The following GRM1 variants were observed in gnomAD, a reference collection of about 807,000 sequenced individuals.
GRM1 encodes the protein metabotropic glutamate receptor 1.
In GRM1, 33 loss-of-function variants were observed where a neutral mutation model predicts 90.9. That is an observed-to-expected ratio of 0.36 (90% confidence interval 0.28 to 0.49). GRM1 has a LOEUF of 0.49. Among genes scored for constraint, GRM1 ranks in the 20% least tolerant of loss-of-function variants. The pLI is 0.99. For missense variants in GRM1, 1,190 were observed against 1,534.3 expected (o/e 0.78, Z 3.75); for synonymous variants, 700 against 613.2 (o/e 1.14, Z -2.09).
chr6:146,201,729 A>G (rs1350879245), intron 2 of GRM1, among the ~76,000 whole-genome samples: 2 of 152,230 alleles, frequency 1.3e-5, no homozygotes, highest in African/African-American at 4.8e-5. Flanking sequence ...GTAACAGTAC[A>G]TTTGAGACAG....
chr6:146,415,496 T>C (rs2114640629), intron 7 of GRM1, among the ~76,000 whole-genome samples: 1 of 152,354 alleles, frequency 6.6e-6, no homozygotes, highest in East Asian at 1.9e-4. Context: ...ACTGGTACTT[T>C]TGTCAACATC....
At chr6:146,361,548 G>A (rs545928891) in intron 5 of GRM1, among the ~76,000 whole-genome samples, 30 of 152,202 alleles carry the variant, frequency 2.0e-4, no homozygotes, top group African/African-American at 7.0e-4. Flanking sequence ...GAGAAGGGAA[G>A]TAATGGAGAT....
intron 2 of GRM1, among the ~76,000 whole-genome samples, chr6:146,293,277 A>G (rs939153622): frequency 5.9e-5 from 9 of 151,968 alleles, no homozygotes; most frequent in African/African-American, 2.2e-4. Flanking sequence ...TGTAAATTTC[A>G]CCTTAAGTTT....
rs543195740 is a variant in GRM1, at chr6:146,422,333, G to A, written c.2661-11539G>A. ...GAAGTTATTGACATTCTTGAGTAAG[G>A]AAAGTGGCTGAAGTCAACAAGTAAA... On this transcript the variant is annotated intron_variant, in intron 7 of 7. Transcript: ENST00000282753. 3.0e-3 allele frequency among the ~76,000 whole-genome samples: 454 copies of A among 152,252 alleles called. 2 individuals are homozygous for A. Among genetic ancestry groups the A allele is most frequent in the Non-Finnish European group, 3.7e-3 (252 of 68,000 alleles).
At chr6:146,111,914 A>G (rs781472573) in intron 1 of GRM1, among the ~76,000 whole-genome samples, 7 of 152,216 alleles carry the variant, frequency 4.6e-5, no homozygotes, top group African/African-American at 9.6e-5. Context: ...TTCTGCTTTC[A>G]TATGTGTTTT....
At chr6:146,032,865 A>C (rs1159764007) in intron 1 of GRM1, among the ~76,000 whole-genome samples, 1 of 152,110 alleles carries the variant, frequency 6.6e-6, no homozygotes, top group Non-Finnish European at 1.5e-5. Context: ...TAATTGTGAG[A>C]TTATCTTGAA....
intron 5 of GRM1, among the ~76,000 whole-genome samples, chr6:146,371,064 C>T (rs1229502828): frequency 1.3e-5 from 2 of 151,998 alleles, no homozygotes; most frequent in Admixed American, 1.3e-4. Flanking sequence ...TATATTATTG[C>T]CTTCCATTCT....
chr6:146,145,149 A>T (rs1012526532), intron 1 of GRM1, among the ~76,000 whole-genome samples: 1 of 152,240 alleles, frequency 6.6e-6, no homozygotes, highest in Non-Finnish European at 1.5e-5. Context: ...ATACATAATT[A>T]AAAGGGAAGC....
intron 7 of GRM1, among the ~76,000 whole-genome samples, chr6:146,410,656 T>A (rs77298484): frequency 0.029 from 4,451 of 152,066 alleles, 176 homozygotes; most frequent in African/African-American, 0.088. Context: ...TGGACAATAG[T>A]TCCCATTAGC....
chr6:146,253,258 A>G (rs1309612954), intron 2 of GRM1, among the ~76,000 whole-genome samples: 1 of 152,180 alleles, frequency 6.6e-6, no homozygotes, highest in Non-Finnish European at 1.5e-5. Flanking sequence ...TTAAGTTAAA[A>G]GCATTAGCAA....
intron 2 of GRM1, among the ~76,000 whole-genome samples, chr6:146,169,955 G>A (rs915766233): frequency 1.3e-5 from 2 of 152,046 alleles, no homozygotes; most frequent in African/African-American, 4.8e-5. Context: ...ATCTCACGTG[G>A]TTTTGATTTG....
At chr6:146,348,901 G>C (rs1785275949) in intron 3 of GRM1, among the ~76,000 whole-genome samples, 1 of 152,188 alleles carries the variant, frequency 6.6e-6, no homozygotes. Context: ...GAAGAACAAG[G>C]AGTGAGGAGG....
At chr6:146,363,273 A>T (rs1401949793) in intron 5 of GRM1, among the ~76,000 whole-genome samples, 2 of 152,132 alleles carry the variant, frequency 1.3e-5, no homozygotes, top group Non-Finnish European at 2.9e-5. Context: ...AGGGTCTCAG[A>T]TTCCAGAGCA....
At chr6:146,182,581 G>C (rs115558729) in intron 2 of GRM1, among the ~76,000 whole-genome samples, 286 of 152,170 alleles carry the variant, frequency 1.9e-3, no homozygotes, top group African/African-American at 6.6e-3. Flanking sequence ...TTTGCAAACT[G>C]TACATAAATT....
At chr6:146,171,244 C>T (rs534229106) in intron 2 of GRM1, 1 of 152,302 alleles carries the variant, frequency 6.6e-6, no homozygotes, top group South Asian at 2.1e-4. Context: ...TAAATTACCA[C>T]AACGTTAATG....
rs1194107434 is a variant in GRM1 at position 146,346,673 on chromosome 6, T to TA, written c.1187-5571dup. On this transcript the variant is annotated intron_variant, in intron 3 of 7. Transcript: ENST00000282753. The stretch of plus-strand genomic sequence containing the variant: ...ACTTTATCCCTTTGAGGTCATTATT[T>TA]AAAAAATGACCTGATTAATCTTCCT... Among the ~76,000 whole-genome samples the TA allele has an allele frequency of 2.0e-5, 3 of 152,174 alleles. 1 individual carries two copies. The highest frequency in any genetic ancestry group is 2.0e-4 in the Admixed American group (3 of 15,274).
intron 5 of GRM1, among the ~76,000 whole-genome samples, chr6:146,367,925 G>T (rs1775754319): frequency 6.6e-6 from 1 of 151,944 alleles, no homozygotes. Flanking sequence ...ATTTTGATAA[G>T]GATTGCATTA....
intron 3 of GRM1, among the ~76,000 whole-genome samples, chr6:146,347,000 A>G (rs1785210642): frequency 1.3e-5 from 2 of 152,202 alleles, no homozygotes; most frequent in South Asian, 4.1e-4. Context: ...ATTTGAAGTT[A>G]ATGACAAGAA....
intron 7 of GRM1, among the ~76,000 whole-genome samples, chr6:146,400,659 A>G (rs1337484204): frequency 6.6e-6 from 1 of 152,120 alleles, no homozygotes; most frequent in Non-Finnish European, 1.5e-5. Context: ...AACGTTTTTT[A>G]TTTCAAAAAT....
Sources: allele counts gnomAD v4.1 joint callset (sites outside exome capture counted in the v4.1 genomes callset), GRCh38; gene constraint gnomAD v4.1.1; transcripts MANE v1.5; gene names NCBI Gene and HGNC (gene_info 2026-07-23, HGNC 2026-07-21).